Variants in CWC27 observed in about 807,000 individuals in gnomAD.
CWC27 encodes spliceosome-associated protein CWC27 homolog.
Under a neutral mutation model 63.6 loss-of-function variants are expected in CWC27, and 47 were observed. The observed-to-expected ratio is 0.74, with a 90% CI of 0.58 to 0.94. The LOEUF is 0.94. CWC27 is among the 40% of genes least tolerant of loss of function. CWC27 has a pLI of 0.00. For missense variants in CWC27, 495 were observed against 554.3 expected (o/e 0.89, Z 1.07); for synonymous variants, 175 against 179.8 (o/e 0.97, Z 0.22).
chr5:65,018,015 A>G, intron 13 of CWC27, 144 bp from the exon 14 acceptor site: 2 of 662,674 alleles, frequency 3.0e-6, no homozygotes, highest in South Asian at 3.4e-5. Context: ...GTTGGTTTCC[A>G]TGTGGTGTAA....
intron 10 of CWC27, among the ~76,000 whole-genome samples, chr5:64,870,864 A>G (rs1746655516): frequency 1.3e-5 from 2 of 152,122 alleles, no homozygotes. Flanking sequence ...TTTTATATAA[A>G]CTGAATAATT....
intron 11 of CWC27, among the ~76,000 whole-genome samples, chr5:64,898,902 A>C (rs1323474197): frequency 6.6e-6 from 1 of 152,192 alleles, no homozygotes; most frequent in Non-Finnish European, 1.5e-5. Flanking sequence ...AAGAGGAAAG[A>C]GCAAGTACCA....
chr5:64,935,254 T>C (rs2112407183), intron 11 of CWC27, among the ~76,000 whole-genome samples: 1 of 152,358 alleles, frequency 6.6e-6, no homozygotes, highest in East Asian at 1.9e-4. Context: ...TTTAAGTCTT[T>C]AATCCATCTT....
At chr5:64,905,991 C>T (rs916362630) in intron 11 of CWC27, among the ~76,000 whole-genome samples, 1 of 150,636 alleles carries the variant, frequency 6.6e-6, no homozygotes, top group Non-Finnish European at 1.5e-5. Context: ...ATCCATGTCC[C>T]TGCAAAGGAC....
intron 13 of CWC27, among the ~76,000 whole-genome samples, chr5:65,013,003 C>A (rs938280080): frequency 2.2e-4 from 33 of 152,126 alleles, no homozygotes; most frequent in African/African-American, 7.7e-4. Context: ...TAACATGCAA[C>A]CTGCATCGGA....
chr5:64,996,576 C>T (rs1749636428), intron 13 of CWC27, among the ~76,000 whole-genome samples: 1 of 151,154 alleles, frequency 6.6e-6, no homozygotes, highest in South Asian at 2.1e-4. Context: ...AGTCTAGTGC[C>T]CAAATTATAC....
At chr5:64,971,590 GA>G in intron 11 of CWC27, 112 bp from the exon 12 acceptor site, 3 of 719,814 alleles carry the variant, frequency 4.2e-6, no homozygotes, top group Non-Finnish European at 6.5e-6. Flanking sequence ...ATTAAATGGT[GA>G]AAAAGCAAGC....
chr5:65,007,658 C>T (rs1249117275), intron 13 of CWC27, among the ~76,000 whole-genome samples: 1 of 141,426 alleles, frequency 7.1e-6, no homozygotes, highest in African/African-American at 2.7e-5. Flanking sequence ...GATGGAGTCT[C>T]GCTCTGTCCC....
chr5:64,801,659 A>C (rs978509671), intron 9 of CWC27, among the ~76,000 whole-genome samples: 1 of 152,100 alleles, frequency 6.6e-6, no homozygotes, highest in Non-Finnish European at 1.5e-5. Flanking sequence ...TTAAAAGTTT[A>C]AATATTGGTG....
chr5:64,838,708 C>G (rs1745725089), intron 10 of CWC27, among the ~76,000 whole-genome samples: 1 of 152,084 alleles, frequency 6.6e-6, no homozygotes, highest in East Asian at 1.9e-4. Context: ...GCCCATTTCC[C>G]CATAGGTATT....
chr5:64,861,353 C>A (rs540151831), intron 10 of CWC27, among the ~76,000 whole-genome samples: 1 of 151,486 alleles, frequency 6.6e-6, no homozygotes, highest in South Asian at 2.1e-4. Flanking sequence ...TATATAAAAC[C>A]AATCTTCTCT....
intron 10 of CWC27, among the ~76,000 whole-genome samples, chr5:64,810,300 T>G (rs964487729): frequency 6.6e-6 from 1 of 152,200 alleles, no homozygotes; most frequent in Non-Finnish European, 1.5e-5. Flanking sequence ...TAAAATAGCT[T>G]TATAATACAT....
At chr5:64,831,277 A>G (rs567150402) in intron 10 of CWC27, among the ~76,000 whole-genome samples, 1 of 152,076 alleles carries the variant, frequency 6.6e-6, no homozygotes, top group South Asian at 2.1e-4. Context: ...TTTGCTGGTT[A>G]GTACATTTTC....
chr5:64,951,246 G>T (rs1490547335), intron 11 of CWC27, among the ~76,000 whole-genome samples: 3 of 151,666 alleles, frequency 2.0e-5, no homozygotes, highest in Non-Finnish European at 4.4e-5. Context: ...GGTATTATCG[G>T]TGTTTAATTT....
chr5:64,795,091 A>G (rs1392145318), intron 7 of CWC27, among the ~76,000 whole-genome samples: 1 of 152,134 alleles, frequency 6.6e-6, no homozygotes, highest in Non-Finnish European at 1.5e-5. Flanking sequence ...CCGTTTCGCC[A>G]CTTTTGAGAC....
At chr5:64,821,232 G>A (rs548439887) in intron 10 of CWC27, among the ~76,000 whole-genome samples, 224 of 151,902 alleles carry the variant, frequency 1.5e-3, no homozygotes, top group African/African-American at 5.0e-3. Context: ...TTACAGGCAC[G>A]TGCCACCACA....
intron 10 of CWC27, among the ~76,000 whole-genome samples, chr5:64,860,792 A>C (rs1414440403): frequency 6.6e-6 from 1 of 152,234 alleles, no homozygotes; most frequent in East Asian, 1.9e-4. Context: ...AATGAATTTC[A>C]TCAAAATATA....
At chr5:64,950,842 A>T (rs1266538596) in intron 11 of CWC27, among the ~76,000 whole-genome samples, 4 of 151,888 alleles carry the variant, frequency 2.6e-5, no homozygotes, top group Admixed American at 2.6e-4. Context: ...TTCTCACACT[A>T]TAGTTTTCCT....
intron 10 of CWC27, among the ~76,000 whole-genome samples, chr5:64,806,094 T>TAAAC (rs111406132): frequency 0.38 from 58,113 of 151,718 alleles, 12,106 homozygotes; most frequent in African/African-American, 0.54. Flanking sequence ...CTGGATGACT[T>TAAAC]AACAGACATT....
Sources: gnomAD v4.1 joint callset for allele counts (sites outside exome capture counted in the v4.1 genomes callset) on GRCh38, gnomAD v4.1.1 for gene constraint, MANE v1.5 for transcripts, NCBI Gene and HGNC (gene_info 2026-07-23, HGNC 2026-07-21) for gene names.